The following PKDCC variants were observed in gnomAD, a reference collection of about 807,000 sequenced individuals.
PKDCC encodes the protein extracellular tyrosine-protein kinase PKDCC.
Under a neutral mutation model 44.7 loss-of-function variants are expected in PKDCC, and 35 were observed. That is an observed-to-expected ratio of 0.78 (90% CI 0.60 to 1.04). The LOEUF (loss-of-function observed/expected upper bound fraction) is 1.04. Ranked by LOEUF, PKDCC falls within the 50% of genes least tolerant of loss-of-function variation. The pLI is 0.00. For missense variants in PKDCC, 738 were observed against 672.7 expected (o/e 1.10, Z -1.07); for synonymous variants, 353 against 303.3 (o/e 1.16, Z -1.70).
intron 6 of PKDCC, 28 bp downstream of exon 6, chr2:42,057,422 G>A (rs1303118076): frequency 6.2e-7 from 1 of 1,613,524 alleles, no homozygotes; most frequent in Non-Finnish European, 8.5e-7. Flanking sequence ...GCCCTTCCAA[G>A]GGAGATGGCA....
In PKDCC at chr2:42,054,867, C is replaced by A; in HGVS notation, c.1035-74C>A. On this transcript the variant is annotated intron_variant, in intron 3 of 6. Coordinates refer to ENST00000294964, the MANE Select transcript of PKDCC (RefSeq NM_138370.3). This position sits in a 1 kb window ranked among gnomAD's most constrained non-coding sequence, Gnocchi z 6.1. ...GCTCCCTGGCCAGGTTAGCGTTCTG[C>A]CCCAGGTTGGAATAGAGGAAGGATG... 7.2e-7 allele frequency: 1 copy of A among 1,397,948 alleles called. No individual in the cohort carries two copies. The allele number at this position is 1,397,948 out of a possible 1,614,324, so 86.6% of individuals were successfully genotyped here.
Position 42,054,367 on chromosome 2 carries a change from C to T in PKDCC, c.1034+60C>T. 3 of 1,529,092 alleles carry T rather than the reference C, an allele frequency of 2.0e-6. No homozygotes were observed. The highest frequency in any genetic ancestry group is 2.4e-5 in the East Asian group (1 of 41,532). The allele number at this position is 1,529,092 out of a possible 1,614,324, so 94.7% of individuals were successfully genotyped here. ...AGGAGAATGGGCCAGGAGGGCATGG[C>T]AGGAAGAGAGCCAACGTGGAGGCCA... On this transcript the variant is annotated intron_variant, in intron 3 of 6. Coordinates refer to ENST00000294964, the MANE Select transcript of PKDCC (RefSeq NM_138370.3). The surrounding 1 kb of genome is among the most constrained non-coding windows in gnomAD (Gnocchi z 6.1).
rs984468548 is a variant in PKDCC, at chr2:42,054,840, C to T, written c.1035-101C>T. 7.9e-6 allele frequency: 9 copies of T among 1,135,292 alleles called. No homozygotes were observed. The highest frequency in any genetic ancestry group is 1.9e-4 in the Middle Eastern group (1 of 5,152). The allele number at this position is 1,135,292 out of a possible 1,614,324, so 70.3% of individuals were successfully genotyped here. A position where few individuals can be genotyped will look rare whatever the true frequency, so the allele number is the denominator to read the frequency against. On this transcript the variant is annotated intron_variant, in intron 3 of 6. Transcript: ENST00000294964. This position sits in a 1 kb window ranked among gnomAD's most constrained non-coding sequence, Gnocchi z 6.1. ...GCCTGGTTGCTAGGCCTGAGGGATCCGGCTCCCTGGCCAGGTTAGCGTTCT... is the reference window on the plus strand; with the variant it reads ...GCCTGGTTGCTAGGCCTGAGGGATCTGGCTCCCTGGCCAGGTTAGCGTTCT...
At chr2:42,056,584 T>C (rs141681505) in intron 5 of PKDCC, among the ~76,000 whole-genome samples, 1 of 152,244 alleles carries the variant, frequency 6.6e-6, no homozygotes, top group East Asian at 1.9e-4. Context: ...TTCTCAGTTC[T>C]ACCCCAGACC....
Position 42,048,426 on chromosome 2 carries a change from G to A in PKDCC, c.227G>A (p.Gly76Glu). ...CAGCGCTATTCCCGCGGGGGCCCCG[G>A]GCCCGGGGCGGGCCGGCCGGAGCGG... is the stretch of plus-strand genomic sequence containing the variant. The part of the protein sequence containing the change: ...EVQRYSRGGP[G>E]PGAGRPERRR... The change falls in exon 1 of 7, where the codon GGG becomes GAG. Residue 76 changes from glycine (G) to glutamate (E), a missense_variant. Coordinates refer to ENST00000294964, the MANE Select transcript of PKDCC (RefSeq NM_138370.3). This position sits in a 1 kb window ranked among gnomAD's most constrained non-coding sequence, Gnocchi z 6.2. 1 of 1,128,552 alleles carries A rather than the reference G, an allele frequency of 8.9e-7. No individual in the cohort carries two copies. Among genetic ancestry groups the A allele is most frequent in the South Asian group, 3.8e-5 (1 of 26,396 alleles). The allele number at this position is 1,128,552 out of a possible 1,614,324, so 69.9% of individuals were successfully genotyped here.
Position 42,051,090 on chromosome 2 carries a change from T to A in PKDCC, c.640-2149T>A, listed in dbSNP as rs74933394. Among the ~76,000 whole-genome samples, 28 of 152,296 alleles carry A rather than the reference T, an allele frequency of 1.8e-4. No homozygotes were observed. In the East Asian group the frequency reaches 5.2e-3, roughly 28 times the overall value. On this transcript the variant is annotated intron_variant, in intron 1 of 6. Coordinates refer to ENST00000294964, the MANE Select transcript of PKDCC (RefSeq NM_138370.3). The surrounding 1 kb of genome is among the most constrained non-coding windows in gnomAD (Gnocchi z 4.2). Reference sequence around the variant, plus strand: ...GTGCAGGCTCACCACCCTCCCTCTCTGAGCAGCCCAGAATTGGTGCTGTGG... The same window carrying A: ...GTGCAGGCTCACCACCCTCCCTCTCAGAGCAGCCCAGAATTGGTGCTGTGG...
Position 42,057,256 on chromosome 2 carries a change from G to C in PKDCC, c.1258G>C (p.Glu420Gln). ...QCIPDSTIPQ[E>Q]DYRCWPSYHH... is the part of the protein sequence containing the mutation. ...TATCCCAGACAGCACCATCCCCCAG[G>C]AAGACTACCGCTGCTGGCCATCCTA... is the stretch of plus-strand genomic sequence containing the variant. Residue 420 changes from glutamate (E) to glutamine (Q), a missense_variant, in exon 6 of 7, where the codon GAA becomes CAA. Coordinates refer to ENST00000294964, the MANE Select transcript of PKDCC (RefSeq NM_138370.3). 1 of 1,614,182 alleles carries C rather than the reference G, an allele frequency of 6.2e-7. No individual in the cohort carries two copies. The highest frequency in any genetic ancestry group is 2.2e-5 in the East Asian group (1 of 44,886).
chr2:42,057,768 G>C lies in PKDCC; in HGVS notation c.*80G>C. On this transcript the variant is annotated 3_prime_UTR_variant, in exon 7 of 7. Transcript: ENST00000294964. The stretch of plus-strand genomic sequence containing the variant: ...GTGGAGGGAGTGACTTGCACTGGCA[G>C]CACTGCATGTCACCTGGGAACCCCT... 2 of 1,214,394 alleles carry C rather than the reference G, an allele frequency of 1.6e-6. No homozygotes were observed. Among genetic ancestry groups the C allele is most frequent in the East Asian group, 2.5e-5 (1 of 40,776 alleles). 75.2% of individuals were successfully genotyped at this position (1,214,394 alleles called of 1,614,324 possible).
At position 42,051,412 on chromosome 2, in the gene PKDCC, GC is replaced by G. The variant is rs1667965690; in HGVS notation, c.640-1824del. ...CAGGCCTGCCTGGGCCCAGATTCTGGCCCTGCTAGAGTATATTTCTTCTCCC... is the reference window on the plus strand; with the variant it reads ...CAGGCCTGCCTGGGCCCAGATTCTGGCCTGCTAGAGTATATTTCTTCTCCC... On this transcript the variant is annotated intron_variant, in intron 1 of 6. Transcript: ENST00000294964. This position sits in a 1 kb window ranked among gnomAD's most constrained non-coding sequence, Gnocchi z 4.2. Among the ~76,000 whole-genome samples, 1 of 151,696 alleles carries G rather than the reference GC, an allele frequency of 6.6e-6. No individual in the cohort carries two copies. Among genetic ancestry groups the G allele is most frequent in the African/African-American group, 2.4e-5 (1 of 41,202 alleles).
rs1487956241 is a variant in PKDCC, at chr2:42,048,470, G to A, written c.271G>A (p.Ala91Thr). The A allele has an allele frequency of 6.7e-5, 71 of 1,057,454 alleles. No individual in the cohort carries two copies. The highest frequency in any genetic ancestry group is 7.5e-5 in the Non-Finnish European group (66 of 879,598). 65.5% of individuals were successfully genotyped at this position (1,057,454 alleles called of 1,614,324 possible). Residue 91 changes from alanine to threonine, a missense_variant, in exon 1 of 7, where the codon GCT (alanine) becomes ACT (threonine). Physicochemically the swap from Ala to Thr is moderately conservative, Grantham distance 58. Transcript: ENST00000294964. The surrounding 1 kb of genome is among the most constrained non-coding windows in gnomAD (Gnocchi z 6.2). ...GGAGCGGCGGCGCCTGATGGACCTGGCTCCGGGCGGGCCCGGCCTGCCGCG... is the reference window on the plus strand; with the variant it reads ...GGAGCGGCGGCGCCTGATGGACCTGACTCCGGGCGGGCCCGGCCTGCCGCG... ...RPERRRLMDLAPGGPGLPRPR... is the reference protein window; with the variant it reads ...RPERRRLMDLTPGGPGLPRPR...
At position 42,055,165 on chromosome 2, in the gene PKDCC, C is replaced by A. The variant is rs963514745; in HGVS notation, c.1115-121C>A. The A allele has an allele frequency of 1.6e-6, 2 of 1,264,494 alleles. No homozygotes were observed. Among genetic ancestry groups the A allele is most frequent in the Admixed American group, 2.0e-5 (1 of 50,614 alleles). 78.3% of individuals were successfully genotyped at this position (1,264,494 alleles called of 1,614,324 possible). A position where few individuals can be genotyped will look rare whatever the true frequency, so the allele number is the denominator to read the frequency against. ...GGCATTCTGCCGCAACCTCCCCGCT[C>A]CCCCGCCCTCTGTTCACTGGGGCAC... On this transcript the variant is annotated intron_variant, in intron 4 of 6. Transcript: ENST00000294964. The surrounding 1 kb of genome is among the most constrained non-coding windows in gnomAD (Gnocchi z 4.5).
chr2:42,048,100 G>A lies in PKDCC; in HGVS notation c.-100G>A, dbSNP rs1340693534. On this transcript the variant is annotated 5_prime_UTR_variant, in exon 1 of 7. Transcript: ENST00000294964. This position sits in a 1 kb window ranked among gnomAD's most constrained non-coding sequence, Gnocchi z 6.2. ...GGGCCATGCGCGCGGGCTGGGCAGGGGGCCGGCGGGGCGCAGAGCGGAGCC... is the reference window on the plus strand; with the variant it reads ...GGGCCATGCGCGCGGGCTGGGCAGGAGGCCGGCGGGGCGCAGAGCGGAGCC... The A allele has an allele frequency of 9.5e-5, 68 of 714,176 alleles. No individual in the cohort carries two copies. The highest frequency in any genetic ancestry group is 1.1e-4 in the Non-Finnish European group (66 of 584,724). 44.2% of individuals were successfully genotyped at this position (714,176 alleles called of 1,614,324 possible).
chr2:42,053,080 G>A (rs1207030498), intron 1 of PKDCC, among the ~76,000 whole-genome samples, 159 bp from the exon 2 acceptor site: 1 of 152,128 alleles, frequency 6.6e-6, no homozygotes, highest in Non-Finnish European at 1.5e-5. Context: ...GGGAAGAGAG[G>A]GCATGCTTCC....
In PKDCC at chr2:42,057,237, A is replaced by G. The variant is rs1558433593; in HGVS notation, c.1239A>G (p.Pro413=). The G allele has an allele frequency of 1.2e-6, 2 of 1,614,102 alleles. No individual in the cohort carries two copies. The highest frequency in any genetic ancestry group is 1.7e-6 in the Non-Finnish European group (2 of 1,180,034). Reference sequence around the variant, plus strand: ...AACCCACAGAGTACCAGTGTATCCCAGACAGCACCATCCCCCAGGAAGACT... The same window carrying G: ...AACCCACAGAGTACCAGTGTATCCCGGACAGCACCATCCCCCAGGAAGACT... The part of the protein sequence containing the change: ...ASSSTEYQCI[P]DSTIPQEDYR... The change falls in exon 6 of 7, where the codon CCA becomes CCG. Residue 413 remains proline (P), a synonymous_variant. Transcript: ENST00000294964.
At chr2:42,056,400 T>G in intron 5 of PKDCC, among the ~76,000 whole-genome samples, 1 of 152,172 alleles carries the variant, frequency 6.6e-6, no homozygotes, top group East Asian at 1.9e-4. Flanking sequence ...GCCATGGATT[T>G]TTTGCATTTT....
At position 42,058,060 on chromosome 2, in the gene PKDCC, C is replaced by CCTG. The variant is rs145955357; in HGVS notation, c.*386_*388dup. 1,989 of 225,532 alleles carry CCTG rather than the reference C, an allele frequency of 8.8e-3. 9 individuals carry two copies. Among genetic ancestry groups the CCTG allele is most frequent in the Non-Finnish European group, 0.012 (1,413 of 113,680 alleles). 14.0% of individuals were successfully genotyped at this position (225,532 alleles called of 1,614,324 possible). A position where few individuals can be genotyped will look rare whatever the true frequency, so the allele number is the denominator to read the frequency against. ...ATAGTGTGAGAATGTAGCTAAAGCC[C>CCTG]CTGCTGCTGCTGCTGCACATGCCAC... On this transcript the variant is annotated 3_prime_UTR_variant, in exon 7 of 7. Transcript: ENST00000294964. This position sits in a 1 kb window ranked among gnomAD's most constrained non-coding sequence, Gnocchi z 4.2.
Position 42,053,372 on chromosome 2 carries a change from A to G in PKDCC, c.762+11A>G. On this transcript the variant is annotated intron_variant, in intron 2 of 6. Transcript: ENST00000294964. The stretch of plus-strand genomic sequence containing the variant: ...GAGGATCGATTCCGAGTGAGCTCAG[A>G]GGAGGGCTCGGGCCCTGGGCTCCTT... 3 of 1,606,946 alleles carry G rather than the reference A, an allele frequency of 1.9e-6. No individual in the cohort carries two copies. Among genetic ancestry groups the G allele is most frequent in the Non-Finnish European group, 2.6e-6 (3 of 1,176,404 alleles).
In PKDCC at chr2:42,052,074, TGACAC is replaced by T. The variant is rs1489546290; in HGVS notation, c.640-1164_640-1160del. ...CCTGTGGGTGCTGTTAAGGTGGTAG[TGACAC>T]TCAGGCTTTGCTTCCCAGAAGTCCC... On this transcript the variant is annotated intron_variant, in intron 1 of 6. Coordinates refer to ENST00000294964, the MANE Select transcript of PKDCC (RefSeq NM_138370.3). The surrounding 1 kb of genome is among the most constrained non-coding windows in gnomAD (Gnocchi z 4.3). Among the ~76,000 whole-genome samples the T allele has an allele frequency of 1.3e-5, 2 of 151,934 alleles. No individual in the cohort carries two copies. Among genetic ancestry groups the T allele is most frequent in the Non-Finnish European group, 2.9e-5 (2 of 67,960 alleles).
rs779973112 is a variant in PKDCC, at chr2:42,054,050, G to A, written c.777G>A (p.Leu259=). ...WEDRFRICLS[L]GRLLHHLAHS... ...GTGCCCCTCAGATCTGCCTGAGCCTGGGCCGCCTCCTCCACCACCTGGCCC... is the reference window on the plus strand; with the variant it reads ...GTGCCCCTCAGATCTGCCTGAGCCTAGGCCGCCTCCTCCACCACCTGGCCC... The change falls in exon 3 of 7, where the codon CTG becomes CTA. Residue 259 remains leucine (L), a synonymous_variant. Coordinates refer to ENST00000294964, the MANE Select transcript of PKDCC (RefSeq NM_138370.3). The surrounding 1 kb of genome is among the most constrained non-coding windows in gnomAD (Gnocchi z 6.1). 1.2e-6 allele frequency: 2 copies of A among 1,611,690 alleles called. No individual in the cohort carries two copies. Among genetic ancestry groups the A allele is most frequent in the Non-Finnish European group, 1.7e-6 (2 of 1,179,652 alleles).
Sources: allele counts gnomAD v4.1 joint callset (sites outside exome capture counted in the v4.1 genomes callset), GRCh38; gene constraint gnomAD v4.1.1; non-coding constraint Gnocchi (gnomAD v3.1); transcripts MANE v1.5; gene names NCBI Gene and HGNC (gene_info 2026-07-23, HGNC 2026-07-21).